RAD51B: variants seen among roughly 807,000 people sequenced by gnomAD.
The protein encoded by RAD51B is DNA repair protein RAD51 homolog 2.
RAD51B carries 38 observed loss-of-function variants against 42.2 expected under a neutral mutation model. The ratio of observed to expected loss-of-function variants is 0.90; its 90% CI spans 0.70 to 1.18. The LOEUF is 1.18. Among genes scored for constraint, RAD51B ranks in the 50% most tolerant of loss-of-function variants. The pLI is 0.00. For synonymous variants in RAD51B, 154 were observed against 145.2 expected, an observed-to-expected ratio of 1.06 and a Z score of -0.43; for missense variants, 373 against 400.7, an observed-to-expected ratio of 0.93 and a Z score of 0.59.
At chr14:68,497,910 C>T (rs967396848) in intron 10 of RAD51B, 4 of 191,880 alleles carry the variant, frequency 2.1e-5, no homozygotes, top group African/African-American at 4.7e-5. Context: ...TTCATTCATC[C>T]GTCAGTGGTC....
At chr14:68,359,714 C>T (rs943013569) in intron 8 of RAD51B, among the ~76,000 whole-genome samples, 3 of 152,176 alleles carry the variant, frequency 2.0e-5, no homozygotes, top group Non-Finnish European at 4.4e-5. Context: ...CTGGCAAAAA[C>T]GTTGCTGAAA....
Position 67,918,938 on chromosome 14 carries a change from A to C in RAD51B, c.756+31734A>C, listed in dbSNP as rs28434770. Among the ~76,000 whole-genome samples, 14 of 152,288 alleles carry C rather than the reference A, an allele frequency of 9.2e-5. No individual in the cohort carries two copies. The East Asian group carries it at 2.7e-3, about 29-fold the overall frequency. ...GCTATTGAAGTATGTGAAAGAAGGC[A>C]TGAAATCTAGGAAAATGGGGAATGT... On this transcript the variant is annotated intron_variant, in intron 7 of 10. Coordinates refer to ENST00000471583, the MANE Select transcript of RAD51B (RefSeq NM_133510.4).
intron 7 of RAD51B, among the ~76,000 whole-genome samples, chr14:68,211,791 C>T (rs1484986495): frequency 6.6e-6 from 1 of 152,220 alleles, no homozygotes; most frequent in Non-Finnish European, 1.5e-5. Context: ...TGGTTGTGCC[C>T]TGTACCCACA....
intron 7 of RAD51B, among the ~76,000 whole-genome samples, chr14:68,073,845 A>G (rs558534147): frequency 6.6e-6 from 1 of 152,332 alleles, no homozygotes; most frequent in African/African-American, 2.4e-5. Context: ...GATGCTGAAT[A>G]TAGGCCTCCA....
intron 7 of RAD51B, among the ~76,000 whole-genome samples, chr14:68,127,660 CACAG>C (rs1205385949): frequency 6.8e-6 from 1 of 146,370 alleles, no homozygotes; most frequent in African/African-American, 2.6e-5. Context: ...CACACATACA[CACAG>C]TAATGCTTTT....
At chr14:68,127,197 T>C (rs1194339688) in intron 7 of RAD51B, among the ~76,000 whole-genome samples, 1 of 152,198 alleles carries the variant, frequency 6.6e-6, no homozygotes, top group East Asian at 1.9e-4. Context: ...TTATTTATTT[T>C]TGTATTTCCC....
intron 11 of RAD51B, among the ~76,000 whole-genome samples, chr14:68,675,347 G>T (rs1338977031): frequency 6.6e-6 from 1 of 152,140 alleles, no homozygotes; most frequent in African/African-American, 2.4e-5. Context: ...GGTGCCACAG[G>T]ATGGTTTAGG....
At chr14:68,651,216 T>C (rs973607791) in intron 11 of RAD51B, among the ~76,000 whole-genome samples, 1 of 152,178 alleles carries the variant, frequency 6.6e-6, no homozygotes, top group African/African-American at 2.4e-5. Context: ...CTGTCACCCA[T>C]GCTGGAGTGC....
intron 8 of RAD51B, chr14:68,338,651 A>G (rs543865549): frequency 1.6e-4 from 50 of 314,944 alleles, no homozygotes; most frequent in Admixed American, 5.1e-4. Context: ...TATGCTTGCC[A>G]TATTTTTTTT....
chr14:67,937,366 T>C (rs2044992546), intron 7 of RAD51B, among the ~76,000 whole-genome samples: 1 of 152,196 alleles, frequency 6.6e-6, no homozygotes, highest in Non-Finnish European at 1.5e-5. Context: ...TTGTTTCCTT[T>C]GGTGTCTCAG....
At chr14:68,146,087 G>A (rs1207325993) in intron 7 of RAD51B, among the ~76,000 whole-genome samples, 1 of 152,110 alleles carries the variant, frequency 6.6e-6, no homozygotes, top group Non-Finnish European at 1.5e-5. Flanking sequence ...TATTTAACTA[G>A]TAGTGTGGGG....
chr14:67,830,275 A>T (rs546783307), intron 3 of RAD51B, among the ~76,000 whole-genome samples: 1 of 152,348 alleles, frequency 6.6e-6, no homozygotes, highest in East Asian at 1.9e-4. Flanking sequence ...ATTGAAAAGG[A>T]GCAATAAAAT....
chr14:68,682,676 C>T (rs903513687), intron 11 of RAD51B, among the ~76,000 whole-genome samples: 8 of 152,108 alleles, frequency 5.3e-5, no homozygotes, highest in Admixed American at 6.5e-5. Context: ...TCCCATCCTG[C>T]TCCCCTTCCC....
chr14:68,045,236 CA>C (rs537073885), intron 7 of RAD51B, among the ~76,000 whole-genome samples: 143 of 22,082 alleles, frequency 6.5e-3, no homozygotes, highest in East Asian at 0.016. Flanking sequence ...AACTCTGTCT[CA>C]AAAAAAAAAA....
intron 10 of RAD51B, among the ~76,000 whole-genome samples, chr14:68,591,454 C>T (rs1378862297): frequency 6.6e-6 from 1 of 152,334 alleles, no homozygotes; most frequent in East Asian, 1.9e-4. Context: ...CTTCTGAATA[C>T]ACACCCCCAA....
At chr14:68,259,076 C>G (rs1225320934) in intron 7 of RAD51B, among the ~76,000 whole-genome samples, 2 of 152,182 alleles carry the variant, frequency 1.3e-5, no homozygotes, top group Non-Finnish European at 2.9e-5. Flanking sequence ...TTGAAAGAAG[C>G]TGCTCAGACA....
intron 9 of RAD51B, among the ~76,000 whole-genome samples, chr14:68,447,513 C>G (rs943840865): frequency 6.6e-6 from 1 of 150,882 alleles, no homozygotes; most frequent in Non-Finnish European, 1.5e-5. Flanking sequence ...ATGAAACTTA[C>G]AATAAACAGC....
At chr14:68,484,194 A>G (rs941433755) in intron 10 of RAD51B, among the ~76,000 whole-genome samples, 2 of 152,140 alleles carry the variant, frequency 1.3e-5, no homozygotes, top group South Asian at 4.1e-4. Context: ...TCTCAAGTAC[A>G]CAAGCTGCTT....
chr14:68,548,450 G>A (rs1416221132), intron 10 of RAD51B, among the ~76,000 whole-genome samples: 1 of 152,248 alleles, frequency 6.6e-6, no homozygotes, highest in African/African-American at 2.4e-5. Flanking sequence ...TCCCTGATTG[G>A]AAAGGATTGC....
Sources: allele counts gnomAD v4.1 joint callset (sites outside exome capture counted in the v4.1 genomes callset), GRCh38; gene constraint gnomAD v4.1.1; transcripts MANE v1.5; gene names NCBI Gene and HGNC (gene_info 2026-07-23, HGNC 2026-07-21).